ZFHX3: variants seen among roughly 807,000 people sequenced by gnomAD.
ZFHX3 encodes zinc finger homeobox protein 3.
Under a neutral mutation model 279.1 loss-of-function variants are expected in ZFHX3, and 42 were observed. That is an observed-to-expected ratio of 0.15 (90% CI 0.12 to 0.19). The LOEUF is 0.19. Among genes scored for constraint, ZFHX3 ranks in the 10% least tolerant of loss-of-function variants. The probability of loss-of-function intolerance (pLI) is 1.00; values close to 1 mark genes in which losing one functional copy is unlikely to be tolerated. For missense variants in ZFHX3, 4,981 were observed against 4,754.0 expected, an observed-to-expected ratio of 1.05 and a Z score of -1.40; for synonymous variants, 2,293 against 1,957.8, an observed-to-expected ratio of 1.17 and a Z score of -4.52.
chr16:73,889,438 G>C lies in ZFHX3; in HGVS notation c.-1608+2213C>G, dbSNP rs887228747. ...TTCATCTGGGAAGGGGAAGAGAAGTGATGCAAGCCCCAGTGCATCTCCCAG... is the reference window on the plus strand; with the variant it reads ...TTCATCTGGGAAGGGGAAGAGAAGTCATGCAAGCCCCAGTGCATCTCCCAG... On this transcript the variant is annotated intron_variant, in intron 1 of 17. Coordinates refer to the ZFHX3 transcript ENST00000641206. 2.0e-5 allele frequency among the ~76,000 whole-genome samples: 3 copies of C among 152,158 alleles called. No individual in the cohort carries two copies. The East Asian group carries it at 5.8e-4, about 29-fold the overall frequency.
At chr16:73,762,245 T>C (rs146120591) in intron 1 of ZFHX3, among the ~76,000 whole-genome samples, 116 of 152,094 alleles carry the variant, frequency 7.6e-4, no homozygotes, top group African/African-American at 2.6e-3. Context: ...CTCAACATCA[T>C]TGATCATTAG....
At chr16:72,844,410 T>C (rs2037424883) in intron 4 of ZFHX3, among the ~76,000 whole-genome samples, 1 of 152,104 alleles carries the variant, frequency 6.6e-6, no homozygotes, top group Non-Finnish European at 1.5e-5. Context: ...GGCTCTCCAT[T>C]TCTTTTCTAC....
At chr16:73,561,718 A>G (rs2020372389) in intron 2 of ZFHX3, among the ~76,000 whole-genome samples, 1 of 152,224 alleles carries the variant, frequency 6.6e-6, no homozygotes, top group African/African-American at 2.4e-5. Flanking sequence ...TCTGATTACA[A>G]CAAAAATCCA....
chr16:73,130,635 C>T (rs1258243424), intron 7 of ZFHX3, among the ~76,000 whole-genome samples: 2 of 152,148 alleles, frequency 1.3e-5, no homozygotes, highest in African/African-American at 4.8e-5. Context: ...AAGATGGAGT[C>T]TTGCTCTGTC....
intron 2 of ZFHX3, among the ~76,000 whole-genome samples, chr16:73,555,029 A>G (rs1422088844): frequency 6.6e-6 from 1 of 152,042 alleles, no homozygotes; most frequent in Non-Finnish European, 1.5e-5. Flanking sequence ...GTCATATCCA[A>G]TTTCTTTCCC....
intron 2 of ZFHX3, among the ~76,000 whole-genome samples, chr16:73,520,232 T>A (rs1250105823): frequency 6.6e-6 from 1 of 152,190 alleles, no homozygotes; most frequent in Non-Finnish European, 1.5e-5. Context: ...TCTACAATTG[T>A]GATGTTTTAT....
intron 1 of ZFHX3, among the ~76,000 whole-genome samples, chr16:73,888,994 C>T (rs1440212485): frequency 6.6e-6 from 1 of 152,012 alleles, no homozygotes; most frequent in Non-Finnish European, 1.5e-5. Flanking sequence ...CATCAAACAC[C>T]TCCAGGCTCC....
At chr16:73,113,266 CATT>C (rs1172769572) in intron 7 of ZFHX3, among the ~76,000 whole-genome samples, 6 of 151,920 alleles carry the variant, frequency 3.9e-5, no homozygotes, top group South Asian at 2.1e-4. Flanking sequence ...AGGAAGGAGA[CATT>C]ATATATTCCT....
At chr16:73,539,232 T>C (rs577443808) in intron 2 of ZFHX3, among the ~76,000 whole-genome samples, 2 of 151,966 alleles carry the variant, frequency 1.3e-5, no homozygotes, top group African/African-American at 4.8e-5. Context: ...GGTGGACACG[T>C]GCATAGTACA....
chr16:73,442,902 A>T (rs866809924), intron 3 of ZFHX3, among the ~76,000 whole-genome samples: 1 of 152,296 alleles, frequency 6.6e-6, no homozygotes, highest in East Asian at 1.9e-4. Context: ...TGTGCCACCT[A>T]ACCCGGCTAA....
At chr16:73,284,282 A>C (rs1358233539) in intron 4 of ZFHX3, among the ~76,000 whole-genome samples, 25 of 132,966 alleles carry the variant, frequency 1.9e-4, no homozygotes, top group Admixed American at 1.1e-3. Context: ...GTGCCACTGC[A>C]CTCCAGCCTG....
intron 3 of ZFHX3, among the ~76,000 whole-genome samples, chr16:73,387,929 G>C (rs2016933643): frequency 6.6e-6 from 1 of 151,822 alleles, no homozygotes; most frequent in African/African-American, 2.4e-5. Flanking sequence ...TAGTTAAAGG[G>C]ATACCAATTT....
chr16:72,861,056 G>GCA (rs1370312272), intron 4 of ZFHX3, among the ~76,000 whole-genome samples: 1 of 151,956 alleles, frequency 6.6e-6, no homozygotes, highest in African/African-American at 2.4e-5. Context: ...CTTTTCTCAC[G>GCA]CACCTTCCCT....
At chr16:73,368,582 G>A (rs905743033) in intron 3 of ZFHX3, among the ~76,000 whole-genome samples, 2 of 152,200 alleles carry the variant, frequency 1.3e-5, no homozygotes, top group Non-Finnish European at 2.9e-5. Context: ...TTAGACATAA[G>A]AAGTGTCACT....
At chr16:73,322,257 G>A (rs1017011690) in intron 3 of ZFHX3, among the ~76,000 whole-genome samples, 2 of 148,266 alleles carry the variant, frequency 1.3e-5, no homozygotes, top group African/African-American at 4.9e-5. Context: ...TGAAAAGAGA[G>A]AACGCATTTG....
intron 2 of ZFHX3, among the ~76,000 whole-genome samples, chr16:73,548,479 TAA>T (rs1555524255): frequency 6.6e-6 from 1 of 150,380 alleles, no homozygotes. Flanking sequence ...TTTTTTTTTT[TAA>T]AAAAAAGTGC....
intron 5 of ZFHX3, among the ~76,000 whole-genome samples, chr16:72,825,196 T>C (rs183717906): frequency 5.3e-5 from 8 of 152,344 alleles, no homozygotes; most frequent in African/African-American, 1.9e-4. Context: ...CTAGAGTCTT[T>C]CCACATCACC....
At chr16:72,990,120 G>A (rs578139539) in intron 1 of ZFHX3, among the ~76,000 whole-genome samples, 24 of 152,194 alleles carry the variant, frequency 1.6e-4, no homozygotes, top group Non-Finnish European at 3.2e-4. Flanking sequence ...GCTGATTTCT[G>A]ACTCAGCCAG....
chr16:73,371,430 G>T (rs2016627824), intron 3 of ZFHX3, among the ~76,000 whole-genome samples: 1 of 151,772 alleles, frequency 6.6e-6, no homozygotes, highest in Non-Finnish European at 1.5e-5. Flanking sequence ...TATTGCCCAG[G>T]CTGGAGTGCA....
Sources: allele counts gnomAD v4.1 joint callset (sites outside exome capture counted in the v4.1 genomes callset), GRCh38; gene constraint gnomAD v4.1.1; transcripts MANE v1.5; gene names NCBI Gene and HGNC (gene_info 2026-07-23, HGNC 2026-07-21).